The following RNF212 variants were observed in gnomAD, a reference collection of about 807,000 sequenced individuals.
RNF212 encodes the protein probable E3 SUMO-protein ligase RNF212.
A neutral mutation model predicts 34.7 loss-of-function variants in RNF212; 33 were observed. The observed-to-expected ratio is 0.95, with a 90% confidence interval of 0.72 to 1.27. The LOEUF (loss-of-function observed/expected upper bound fraction) is 1.27, where lower values mean the gene tolerates loss of function less well. RNF212 is among the 50% of genes most tolerant of loss of function. RNF212 has a pLI of 0.00. For synonymous variants in RNF212, 140 were observed against 136.1 expected (o/e 1.03, Z -0.20); for missense variants, 377 against 362.2 (o/e 1.04, Z -0.33).
chr4:1,099,342 G>A (rs1445845738), intron 2 of RNF212, among the ~76,000 whole-genome samples: 1 of 152,220 alleles, frequency 6.6e-6, no homozygotes, highest in East Asian at 1.9e-4. Flanking sequence ...TTCCCTGTAG[G>A]TAAGAAAAAT....
In RNF212 at chr4:1,093,699, G is replaced by A. The variant is rs60035268; in HGVS notation, c.247-2861C>T. The stretch of plus-strand genomic sequence containing the variant: ...CCTGGAGCGCACGGCCTGTGGCTCT[G>A]ATGTCTGTGATAACAGACATGTTTT... On this transcript the variant is annotated intron_variant, in intron 3 of 9. Coordinates refer to ENST00000433731, the MANE Select transcript of RNF212 (RefSeq NM_001131034.4). 0.16 allele frequency: 238,455 copies of A among 1,536,132 alleles called. 21,129 individuals are homozygous for A. Among genetic ancestry groups the A allele is most frequent in the Non-Finnish European group, 0.18 (210,207 of 1,146,868 alleles).
At chr4:1,108,456 T>C (rs751443939) in intron 1 of RNF212, 52 bp from the exon 2 acceptor site, 1 of 894,996 alleles carries the variant, frequency 1.1e-6, no homozygotes, top group South Asian at 2.1e-5. Context: ...TACTTTTAAA[T>C]ATGTATACAT....
intron 3 of RNF212, among the ~76,000 whole-genome samples, chr4:1,060,304 G>A (rs368072313): frequency 2.0e-5 from 3 of 152,206 alleles, no homozygotes; most frequent in African/African-American, 7.2e-5. Context: ...CCCGCTGTGT[G>A]TCCCACAGGG....
intron 2 of RNF212, among the ~76,000 whole-genome samples, chr4:1,104,770 T>G (rs975264233): frequency 2.6e-5 from 4 of 152,178 alleles, no homozygotes; most frequent in Non-Finnish European, 4.4e-5. Context: ...GGTCCCGATT[T>G]GGCCTGCAAT....
intron 1 of RNF212, among the ~76,000 whole-genome samples, chr4:1,111,926 T>C (rs1395970259): frequency 6.6e-6 from 1 of 152,166 alleles, no homozygotes; most frequent in Non-Finnish European, 1.5e-5. Context: ...GAACTACAGT[T>C]ACATACAAAT....
intron 8 of RNF212, among the ~76,000 whole-genome samples, chr4:1,075,360 G>A (rs946152442): frequency 2.0e-5 from 3 of 152,242 alleles, no homozygotes; most frequent in South Asian, 2.1e-4. Flanking sequence ...TCTGAGGGCC[G>A]TACAGGAAGC....
rs1375631141 is a variant in RNF212, at chr4:1,072,391, T to C, written c.*483A>G. On this transcript the variant is annotated 3_prime_UTR_variant, in exon 10 of 10. Coordinates refer to ENST00000433731, the MANE Select transcript of RNF212 (RefSeq NM_001131034.4). ...TCGACACCTAGAGTGAACCCTAATG[T>C]AAACCATGGACGTTGGGTGATAATG... is the stretch of plus-strand genomic sequence containing the variant. 6.3e-6 allele frequency: 1 copy of C among 158,828 alleles called. No individual in the cohort carries two copies. Among genetic ancestry groups the C allele is most frequent in the Non-Finnish European group, 1.4e-5 (1 of 72,538 alleles). 9.8% of individuals were successfully genotyped at this position (158,828 alleles called of 1,614,324 possible).
intron 5 of RNF212, among the ~76,000 whole-genome samples, chr4:1,084,083 G>A (rs1044695277): frequency 6.6e-6 from 1 of 151,866 alleles, no homozygotes; most frequent in Non-Finnish European, 1.5e-5. Context: ...TGAATAGCTG[G>A]GATTACAGGT....
chr4:1,105,613 G>A (rs944738563), intron 2 of RNF212, among the ~76,000 whole-genome samples: 1 of 152,260 alleles, frequency 6.6e-6, no homozygotes, highest in Non-Finnish European at 1.5e-5. Flanking sequence ...AAAACAACAT[G>A]AGACTGGAAA....
Position 1,096,857 on chromosome 4 carries a change from G to T in RNF212, c.172-18C>A. 1.9e-6 allele frequency: 3 copies of T among 1,565,506 alleles called. No homozygotes were observed. Among genetic ancestry groups the T allele is most frequent in the Non-Finnish European group, 2.6e-6 (3 of 1,135,246 alleles). ...GCGTCGGTCTGAAAGAGAAAGAAAT[G>T]ACTCTACATTTATTGTGTCTAATAA... On this transcript the variant is annotated intron_variant, in intron 2 of 9. Coordinates refer to ENST00000433731, the MANE Select transcript of RNF212 (RefSeq NM_001131034.4).
At chr4:1,092,838 C>T (rs938071616) in intron 3 of RNF212, among the ~76,000 whole-genome samples, 2 of 152,222 alleles carry the variant, frequency 1.3e-5, no homozygotes, top group Admixed American at 6.6e-5. Context: ...GGGGAGAATG[C>T]AGGTCACTCA....
chr4:1,091,602 A>G (rs1289665788), intron 3 of RNF212, among the ~76,000 whole-genome samples: 2 of 152,136 alleles, frequency 1.3e-5, no homozygotes, highest in African/African-American at 4.8e-5. Context: ...CACAAGCAGG[A>G]GGGAGCGGCC....
chr4:1,112,315 G>A (rs2153069214), intron 1 of RNF212, among the ~76,000 whole-genome samples: 1 of 152,284 alleles, frequency 6.6e-6, no homozygotes, highest in South Asian at 2.1e-4. Flanking sequence ...AGGCTCCATG[G>A]GTCTAAGGCC....
chr4:1,085,589 G>C, intron 5 of RNF212: 2 of 486,402 alleles, frequency 4.1e-6, no homozygotes, highest in South Asian at 5.0e-5. Context: ...CACCTGTGCT[G>C]GGTCACTCTG....
rs1422833339 is a variant in RNF212, at chr4:1,072,814, A to C, written c.*60T>G. On this transcript the variant is annotated 3_prime_UTR_variant, in exon 10 of 10. Coordinates refer to ENST00000433731, the MANE Select transcript of RNF212 (RefSeq NM_001131034.4). ...AGGAATAAAGCAGATAATTTGTAGA[A>C]AAAACACAGAGGAATAAATTGAAAA... 2.0e-6 allele frequency: 3 copies of C among 1,500,518 alleles called. No individual in the cohort carries two copies. The East Asian group carries it at 7.4e-5, about 37-fold the overall frequency. The allele number at this position is 1,500,518 out of a possible 1,614,324, so 93.0% of individuals were successfully genotyped here.
chr4:1,064,940 A>G (rs756404954), intron 3 of RNF212, among the ~76,000 whole-genome samples: 2 of 152,180 alleles, frequency 1.3e-5, no homozygotes, highest in Non-Finnish European at 2.9e-5. Context: ...TAGCGTCCTC[A>G]ATGTTCATCC....
In RNF212 at chr4:1,072,821, C is replaced by A; in HGVS notation, c.*53G>T. 1 of 1,508,706 alleles carries A rather than the reference C, an allele frequency of 6.6e-7. No homozygotes were observed. The highest frequency in any genetic ancestry group is 8.9e-7 in the Non-Finnish European group (1 of 1,124,832). 93.5% of individuals were successfully genotyped at this position (1,508,706 alleles called of 1,614,324 possible). A position where few individuals can be genotyped will look rare whatever the true frequency, so the allele number is the denominator to read the frequency against. ...AAGCAGATAATTTGTAGAAAAAACA[C>A]AGAGGAATAAATTGAAAACACTCAG... On this transcript the variant is annotated 3_prime_UTR_variant, in exon 10 of 10. Coordinates refer to ENST00000433731, the MANE Select transcript of RNF212 (RefSeq NM_001131034.4).
chr4:1,073,618 T>G lies in RNF212; in HGVS notation c.555A>C (p.Pro185=). ...ACTTACCCATTCGTCCATCTTGAGGTGGACTAATCATGGAGATTCTCGCAG... is the reference window on the plus strand; with the variant it reads ...ACTTACCCATTCGTCCATCTTGAGGGGGACTAATCATGGAGATTCTCGCAG... The part of the protein sequence containing the change: ...AGPARISMIS[P]PQDGRMGPHL... Residue 185 remains proline, a synonymous_variant, in exon 9 of 10, where the codon CCA becomes CCC. Transcript: ENST00000433731. 6.2e-7 allele frequency: 1 copy of G among 1,611,028 alleles called. No individual in the cohort carries two copies. The highest frequency in any genetic ancestry group is 8.5e-7 in the Non-Finnish European group (1 of 1,177,478).
In RNF212 at chr4:1,073,083, C is replaced by CA; in HGVS notation, c.684_685insT (p.Val229CysfsTer23). The CA allele has an allele frequency of 6.2e-7, 1 of 1,614,132 alleles. No homozygotes were observed. The highest frequency in any genetic ancestry group is 1.1e-5 in the South Asian group (1 of 91,068). Reference sequence around the variant, plus strand: ...AGGAGGAGCAGCCAGTGAGGACAGACGTCTATGCAGAAACATGGTGAACCT... The same window carrying CA: ...AGGAGGAGCAGCCAGTGAGGACAGACAGTCTATGCAGAAACATGGTGAACCT... On this transcript the variant is annotated frameshift_variant, in exon 10 of 10. Transcript: ENST00000433731. LOFTEE classifies it low-confidence loss of function (END_TRUNC).
Sources: allele counts gnomAD v4.1 joint callset (sites outside exome capture counted in the v4.1 genomes callset), GRCh38; gene constraint gnomAD v4.1.1; transcripts MANE v1.5; gene names NCBI Gene and HGNC (gene_info 2026-07-23, HGNC 2026-07-21).